The following ZRANB3 variants were observed in gnomAD, a reference collection of about 807,000 sequenced individuals.
The protein encoded by ZRANB3 is DNA annealing helicase and endonuclease ZRANB3.
A neutral mutation model predicts 133.8 loss-of-function variants in ZRANB3; 125 were observed. The observed-to-expected ratio is 0.93, with a 90% CI of 0.81 to 1.08. ZRANB3 has a LOEUF of 1.08. ZRANB3 is among the 50% of genes least tolerant of loss of function. ZRANB3 has a pLI of 0.00. For missense variants in ZRANB3, 1,229 were observed against 1,275.5 expected (o/e 0.96, Z 0.56); for synonymous variants, 387 against 432.7 (o/e 0.89, Z 1.31).
chr2:135,465,635 AAGC>A (rs1559017240), intron 2 of ZRANB3, among the ~76,000 whole-genome samples: 1 of 152,236 alleles, frequency 6.6e-6, no homozygotes, highest in African/African-American at 2.4e-5. Context: ...AAAACACCAA[AAGC>A]AATGGCAACA....
At chr2:135,359,281 A>C (rs1319551472) in intron 3 of ZRANB3, among the ~76,000 whole-genome samples, 3 of 152,176 alleles carry the variant, frequency 2.0e-5, no homozygotes, top group Non-Finnish European at 4.4e-5. Context: ...ACTTGCTGTC[A>C]CTGAAAATAA....
At chr2:135,501,549 A>C (rs114645839) in intron 2 of ZRANB3, among the ~76,000 whole-genome samples, 239 of 152,304 alleles carry the variant, frequency 1.6e-3, no homozygotes, top group African/African-American at 5.4e-3. Context: ...AAATTTTCCC[A>C]GTGATCTTAA....
At chr2:135,520,779 T>C (rs1369413398) in intron 1 of ZRANB3, among the ~76,000 whole-genome samples, 1 of 152,070 alleles carries the variant, frequency 6.6e-6, no homozygotes, top group African/African-American at 2.4e-5. Context: ...GAGACGGGGT[T>C]ACACCATCTT....
chr2:135,385,760 TG>T (rs1686941905), intron 3 of ZRANB3, among the ~76,000 whole-genome samples: 13 of 152,302 alleles, frequency 8.5e-5, no homozygotes, highest in African/African-American at 2.4e-4. Flanking sequence ...GTTTAATAAA[TG>T]GTGATCAGAA....
chr2:135,476,167 C>G (rs1691491047), intron 2 of ZRANB3, among the ~76,000 whole-genome samples: 1 of 152,110 alleles, frequency 6.6e-6, no homozygotes, highest in South Asian at 2.1e-4. Context: ...ATGTATGGAG[C>G]TTATATGGAT....
At chr2:135,254,418 C>T (rs1277975935) in intron 12 of ZRANB3, among the ~76,000 whole-genome samples, 5 of 151,918 alleles carry the variant, frequency 3.3e-5, no homozygotes, top group East Asian at 1.9e-4. Context: ...TCCTTATCTT[C>T]GCATTCTCAA....
At chr2:135,372,446 T>C (rs1686225442) in intron 3 of ZRANB3, among the ~76,000 whole-genome samples, 1 of 152,090 alleles carries the variant, frequency 6.6e-6, no homozygotes, top group Admixed American at 6.6e-5. Context: ...TCTCCATGCT[T>C]AGGATAACTG....
intron 12 of ZRANB3, among the ~76,000 whole-genome samples, chr2:135,242,127 C>T (rs1235577385): frequency 1.3e-5 from 2 of 151,622 alleles, no homozygotes; most frequent in African/African-American, 4.8e-5. Context: ...TGTAGCGAGC[C>T]AACTTTTGCC....
At chr2:135,449,251 T>C (rs1690159094) in intron 2 of ZRANB3, among the ~76,000 whole-genome samples, 2 of 152,088 alleles carry the variant, frequency 1.3e-5, no homozygotes, top group South Asian at 4.1e-4. Flanking sequence ...CCAATACAAT[T>C]GCAATGAGAA....
intron 2 of ZRANB3, among the ~76,000 whole-genome samples, chr2:135,452,261 A>C (rs1690308322): frequency 6.6e-6 from 1 of 152,104 alleles, no homozygotes; most frequent in Non-Finnish European, 1.5e-5. Context: ...CCATGATTCA[A>C]TTACCTCCCC....
intron 2 of ZRANB3, among the ~76,000 whole-genome samples, chr2:135,442,386 G>T (rs1689820324): frequency 6.6e-6 from 1 of 152,084 alleles, no homozygotes; most frequent in Admixed American, 6.5e-5. Flanking sequence ...GTGTACAAAG[G>T]ATATGAACAG....
intron 2 of ZRANB3, among the ~76,000 whole-genome samples, chr2:135,449,323 T>C (rs566547925): frequency 1.3e-5 from 2 of 152,210 alleles, no homozygotes; most frequent in East Asian, 3.9e-4. Flanking sequence ...GCAATGGTAT[T>C]TTAAGAGTTG....
At chr2:135,519,642 T>A (rs1337631682) in intron 1 of ZRANB3, among the ~76,000 whole-genome samples, 2 of 152,238 alleles carry the variant, frequency 1.3e-5, no homozygotes. Flanking sequence ...AACAGTTATA[T>A]CCTATGAAAA....
chr2:135,390,764 A>ATGTTTTT, intron 3 of ZRANB3, 38 bp downstream of exon 3: 1 of 1,557,718 alleles, frequency 6.4e-7, no homozygotes. Flanking sequence ...CAAGCTGTGT[A>ATGTTTTT]ATCTTATAAA....
chr2:135,271,544 TCTTTCAAAGACATC>T, intron 10 of ZRANB3: 1 of 588,408 alleles, frequency 1.7e-6, no homozygotes, highest in Non-Finnish European at 3.1e-6. Flanking sequence ...GAAAGTATAT[TCTTTCAAAGACATC>T]CTTTCCTTGA....
At chr2:135,342,106 G>A (rs7582810) in intron 6 of ZRANB3, among the ~76,000 whole-genome samples, 2,766 of 149,802 alleles carry the variant, frequency 0.018, 351 homozygotes, top group African/African-American at 0.066. Context: ...CTGGTTTTAC[G>A]GCTCAGGGGG....
At chr2:135,323,934 A>G (rs1683668057) in intron 6 of ZRANB3, among the ~76,000 whole-genome samples, 1 of 151,786 alleles carries the variant, frequency 6.6e-6, no homozygotes, top group South Asian at 2.1e-4. Flanking sequence ...ACCTCCAGCT[A>G]ATTTTTATAT....
chr2:135,337,376 A>C (rs1228762345), intron 6 of ZRANB3, among the ~76,000 whole-genome samples: 1 of 152,220 alleles, frequency 6.6e-6, no homozygotes, highest in African/African-American at 2.4e-5. Flanking sequence ...CATCAGGGAA[A>C]AAGGATACAA....
At chr2:135,323,401 G>T (rs1362937939) in intron 6 of ZRANB3, among the ~76,000 whole-genome samples, 1 of 152,162 alleles carries the variant, frequency 6.6e-6, no homozygotes, top group Non-Finnish European at 1.5e-5. Flanking sequence ...GGAGATAATG[G>T]AGTGTGGAAG....
Sources: allele counts gnomAD v4.1 joint callset (sites outside exome capture counted in the v4.1 genomes callset), GRCh38; gene constraint gnomAD v4.1.1; transcripts MANE v1.5; gene names NCBI Gene and HGNC (gene_info 2026-07-23, HGNC 2026-07-21).